ADCY2: variants seen among roughly 807,000 people sequenced by gnomAD.
ADCY2 encodes the protein adenylate cyclase 2.
In ADCY2, 31 loss-of-function variants were observed where a neutral mutation model predicts 125.2. The observed-to-expected ratio is 0.25, with a 90% CI of 0.19 to 0.33. The LOEUF is 0.33. Ranked by LOEUF, ADCY2 falls within the 10% of genes least tolerant of loss-of-function variation. The pLI is 1.00. For missense variants in ADCY2, 904 were observed against 1,418.2 expected, an observed-to-expected ratio of 0.64 and a Z score of 5.82; for synonymous variants, 512 against 548.4, an observed-to-expected ratio of 0.93 and a Z score of 0.93.
chr5:7,788,955 G>A (rs1744168294), intron 19 of ADCY2, among the ~76,000 whole-genome samples: 1 of 152,222 alleles, frequency 6.6e-6, no homozygotes, highest in Non-Finnish European at 1.5e-5. Flanking sequence ...CTCTTTGTCA[G>A]TAATTGGGCC....
intron 19 of ADCY2, among the ~76,000 whole-genome samples, chr5:7,788,343 C>G (rs1396454954): frequency 6.6e-6 from 1 of 152,054 alleles, no homozygotes; most frequent in Non-Finnish European, 1.5e-5. Flanking sequence ...CCAGGCCCGG[C>G]TAATTTTTGT....
chr5:7,626,143 G>A, intron 3 of ADCY2, 24 bp from the exon 4 acceptor site: 1 of 1,605,536 alleles, frequency 6.2e-7, no homozygotes, highest in South Asian at 1.1e-5. Context: ...TTACCCTATT[G>A]AGCAGCTCTT....
At chr5:7,690,941 C>G in intron 5 of ADCY2, 102 bp downstream of exon 5, 2 of 1,295,458 alleles carry the variant, frequency 1.5e-6, no homozygotes, top group Non-Finnish European at 2.0e-6. Flanking sequence ...TCCTTTGTGA[C>G]AGTGGATCCT....
chr5:7,567,929 TTCTCTC>T (rs10590625), intron 3 of ADCY2, among the ~76,000 whole-genome samples: 5,875 of 146,314 alleles, frequency 0.04, 341 homozygotes, highest in African/African-American at 0.13. Context: ...CGTCCTCTCT[TTCTCTC>T]TCTCTCTCTC....
intron 3 of ADCY2, chr5:7,522,301 T>G (rs761740824): frequency 6.6e-6 from 1 of 152,210 alleles, no homozygotes; most frequent in South Asian, 2.1e-4. Context: ...ATTCATCTTA[T>G]CACAGAAAGT....
chr5:7,745,196 C>T (rs11949913), intron 15 of ADCY2, among the ~76,000 whole-genome samples: 6,715 of 152,232 alleles, frequency 0.044, 494 homozygotes, highest in African/African-American at 0.15. Flanking sequence ...CAGTCCTGAC[C>T]CCCACGCTGT....
intron 2 of ADCY2, among the ~76,000 whole-genome samples, chr5:7,486,632 G>A (rs1030438033): frequency 2.0e-5 from 3 of 152,050 alleles, no homozygotes; most frequent in Non-Finnish European, 4.4e-5. Context: ...GGTGCCTGAA[G>A]TATCATGCTT....
rs150707767 is a variant in ADCY2 at position 7,519,834 on chromosome 5, C to A, written c.409-904C>A. 2.1e-3 allele frequency among the ~76,000 whole-genome samples: 320 copies of A among 152,270 alleles called. 2 individuals carry two copies. Among genetic ancestry groups the A allele is most frequent in the African/African-American group, 7.1e-3 (296 of 41,552 alleles). On this transcript the variant is annotated intron_variant, in intron 2 of 24. Transcript: ENST00000338316. ...CCCAGCCAGTCCCCTTCCCCCAGCT[C>A]CTGGCAACCCCCAATCTGCTTTCCA...
intron 2 of ADCY2, among the ~76,000 whole-genome samples, chr5:7,479,674 T>C (rs1742656411): frequency 6.6e-6 from 1 of 151,648 alleles, no homozygotes; most frequent in Non-Finnish European, 1.5e-5. Context: ...TGCTAGCAAA[T>C]ACTAGGTCTT....
intron 21 of ADCY2, among the ~76,000 whole-genome samples, chr5:7,804,040 A>AAG (rs57193249): frequency 0.014 from 1,490 of 106,570 alleles, 62 homozygotes; most frequent in East Asian, 0.024. Flanking sequence ...GGAGGGGGGA[A>AAG]AGAGAGAGAG....
At chr5:7,761,264 C>T (rs1241302882) in intron 16 of ADCY2, among the ~76,000 whole-genome samples, 1 of 149,170 alleles carries the variant, frequency 6.7e-6, no homozygotes, top group Non-Finnish European at 1.5e-5. Context: ...ATTCTCCTGC[C>T]TCAGCCCCCT....
chr5:7,563,471 TTGGAATCACTTGCTTCA>T lies in ADCY2; in HGVS notation c.570+42574_570+42590del, dbSNP rs144255417. On this transcript the variant is annotated intron_variant, in intron 3 of 24. Transcript: ENST00000338316. ...GTCTGCTCCAAAGGCACTCGTTTTT[TTGGAATCACTTGCTTCA>T]TTCTTAAGATCAAAATGTGCAGGCT... 2.8e-3 allele frequency among the ~76,000 whole-genome samples: 421 copies of T among 152,276 alleles called. 8 individuals are homozygous for T. In the East Asian group the frequency reaches 0.056, roughly 20 times the overall value.
Position 7,727,241 on chromosome 5 carries a change from G to A in ADCY2, c.1851G>A (p.Val617=). 1 of 1,614,038 alleles carries A rather than the reference G, an allele frequency of 6.2e-7. No individual in the cohort carries two copies. The highest frequency in any genetic ancestry group is 8.5e-7 in the Non-Finnish European group (1 of 1,179,938). Residue 617 remains valine, a synonymous_variant, in exon 14 of 25, where the codon GTG becomes GTA. Coordinates refer to ENST00000338316, the MANE Select transcript of ADCY2 (RefSeq NM_020546.3). The part of the protein sequence containing the change: ...ACLIFFCIFI[V]QILVLPKTSV... ...TCATATTCTTCTGCATCTTCATTGT[G>A]CAGATTCTCGTGCTGCCAAAGTAAG...
chr5:7,734,955 A>C (rs1742204206), intron 14 of ADCY2, among the ~76,000 whole-genome samples: 1 of 152,202 alleles, frequency 6.6e-6, no homozygotes, highest in Non-Finnish European at 1.5e-5. Flanking sequence ...ATAGTTCTGC[A>C]GCCAATTCTC....
At chr5:7,572,474 T>A (rs1736097154) in intron 3 of ADCY2, among the ~76,000 whole-genome samples, 1 of 152,186 alleles carries the variant, frequency 6.6e-6, no homozygotes, top group South Asian at 2.1e-4. Flanking sequence ...TCTGTTCATG[T>A]CCTTTGCCCA....
At chr5:7,543,703 G>C (rs1200998061) in intron 3 of ADCY2, among the ~76,000 whole-genome samples, 1 of 151,956 alleles carries the variant, frequency 6.6e-6, no homozygotes, top group Non-Finnish European at 1.5e-5. Flanking sequence ...TCAATAGCAG[G>C]GATAGAGATA....
At chr5:7,708,623 A>G (rs889211293) in intron 9 of ADCY2, among the ~76,000 whole-genome samples, 13 of 152,220 alleles carry the variant, frequency 8.5e-5, no homozygotes, top group African/African-American at 3.1e-4. Flanking sequence ...ATGAAAACCA[A>G]TATCATAAAA....
At chr5:7,752,074 A>G (rs1275435870) in intron 15 of ADCY2, among the ~76,000 whole-genome samples, 1 of 152,216 alleles carries the variant, frequency 6.6e-6, no homozygotes, top group Non-Finnish European at 1.5e-5. Context: ...AGCAAAAATG[A>G]TGCAATGTGG....
At chr5:7,670,432 T>C (rs896239983) in intron 4 of ADCY2, among the ~76,000 whole-genome samples, 1 of 152,256 alleles carries the variant, frequency 6.6e-6, no homozygotes, top group Non-Finnish European at 1.5e-5. Context: ...TATATTTATT[T>C]TTGTGACAAA....
Sources: allele counts gnomAD v4.1 joint callset (sites outside exome capture counted in the v4.1 genomes callset), GRCh38; gene constraint gnomAD v4.1.1; transcripts MANE v1.5; gene names NCBI Gene and HGNC (gene_info 2026-07-23, HGNC 2026-07-21).